Variants in PARP1 observed in about 807,000 individuals in gnomAD.
PARP1 encodes poly(ADP-ribose) polymerase 1, also known as poly [ADP-ribose] polymerase 1.
In PARP1, 44 loss-of-function variants were observed where a neutral mutation model predicts 118.7. That is an observed-to-expected ratio of 0.37 (90% CI 0.29 to 0.48). The LOEUF is 0.48. Among genes scored for constraint, PARP1 ranks in the 20% least tolerant of loss-of-function variants. The pLI is 0.99. For missense variants in PARP1, 1,100 were observed against 1,272.4 expected (o/e 0.86, Z 2.06); for synonymous variants, 492 against 483.2 (o/e 1.02, Z -0.24).
chr1:226,390,695 G>A, intron 3 of PARP1, 71 bp from the exon 4 acceptor site: 1 of 1,418,552 alleles, frequency 7.0e-7, no homozygotes, highest in East Asian at 2.4e-5. Flanking sequence ...CGGGCAGCCT[G>A]TGCTCCAGCC....
At position 226,363,171 on chromosome 1, in the gene PARP1, G is replaced by A. The variant is rs751263702; in HGVS notation, c.2787-11C>T. On this transcript the variant is annotated splice_polypyrimidine_tract_variant and intron_variant, in intron 20 of 22. Transcript: ENST00000366794. ...TGCTTCAGTTCATACCTATTCAAAA[G>A]AGGACAGTCTCAGAAGAGGCCTTCA... The A allele has an allele frequency of 1.9e-6, 3 of 1,608,244 alleles. No homozygotes were observed. In the East Asian group the frequency reaches 6.7e-5, roughly 36 times the overall value.
At chr1:226,401,880 CAAGG>C in intron 2 of PARP1, 9 of 984,652 alleles carry the variant, frequency 9.1e-6, no homozygotes, top group Non-Finnish European at 1.3e-5. Context: ...GAGGTGTTGA[CAAGG>C]AAGAGCCTGT....
At chr1:226,368,825 C>T (rs540178421) in intron 15 of PARP1, among the ~76,000 whole-genome samples, 8 of 152,322 alleles carry the variant, frequency 5.3e-5, no homozygotes, top group Non-Finnish European at 1.2e-4. Context: ...CACAGAAAGG[C>T]TAAGCAATCC....
intron 21 of PARP1, 58 bp downstream of exon 21, chr1:226,363,041 G>T: frequency 1.6e-6 from 2 of 1,224,796 alleles, no homozygotes; most frequent in Non-Finnish European, 2.4e-6. Context: ...GCAAGCCCCC[G>T]GCTTCTGTGC....
intron 22 of PARP1, 83 bp from the exon 23 acceptor site, chr1:226,361,624 C>T (rs529389173): frequency 3.0e-5 from 30 of 990,266 alleles, no homozygotes; most frequent in Admixed American, 1.7e-4. Flanking sequence ...GCTGGCAGGA[C>T]GCTCAGTGCC....
In PARP1 at chr1:226,370,464, G is replaced by A. The variant is rs372662420; in HGVS notation, c.2124C>T (p.Ala708=). 1.5e-5 allele frequency: 24 copies of A among 1,613,974 alleles called. No individual in the cohort carries two copies. The highest frequency in any genetic ancestry group is 1.6e-5 in the Non-Finnish European group (19 of 1,179,930). ...GGACCTCACTGAGGATGGAGTATGC[G>A]GCCTGGATCTGCCTTTTGCTCAGCT... ...LGKLSKRQIQ[A]AYSILSEVQQ... The change falls in exon 15 of 23, where the codon GCC becomes GCT. Residue 708 remains alanine (A), a synonymous_variant. Transcript: ENST00000366794.
chr1:226,392,224 T>C lies in PARP1; in HGVS notation c.377A>G (p.Lys126Arg). 6.2e-7 allele frequency: 1 copy of C among 1,613,222 alleles called. No individual in the cohort carries two copies. The highest frequency in any genetic ancestry group is 8.5e-7 in the Non-Finnish European group (1 of 1,179,164). ...EYAKSNRSTC[K>R]GCMEKIEKGQ... ...CTTTTCTATCTTCTCCATACACCCC[T>C]TGCACGTACTTCTGTTGGACTTGGC... The change falls in exon 3 of 23, where the codon AAG becomes AGG. Residue 126 changes from lysine (K) to arginine (R), a missense_variant. Physicochemically the swap from Lys to Arg is conservative, Grantham distance 26. Around this residue, in one of 2 missense-constraint regions of PARP1, gnomAD observed 948 missense variants for 1,031.8 expected, o/e 0.92. Coordinates refer to ENST00000366794, the MANE Select transcript of PARP1 (RefSeq NM_001618.4).
In PARP1 at chr1:226,367,425, C is replaced by T. The variant is rs1005754962; in HGVS notation, c.2406+55G>A. On this transcript the variant is annotated intron_variant, in intron 17 of 22. Coordinates refer to ENST00000366794, the MANE Select transcript of PARP1 (RefSeq NM_001618.4). ...TCCTAACACACATGGAAGTTTGGGACCGCTGCTCTCAGGATGAGAGGTTAA... is the reference window on the plus strand; with the variant it reads ...TCCTAACACACATGGAAGTTTGGGATCGCTGCTCTCAGGATGAGAGGTTAA... The T allele has an allele frequency of 4.0e-5, 64 of 1,604,032 alleles. No homozygotes were observed. In the African/African-American group the frequency reaches 6.7e-4, roughly 17 times the overall value.
In PARP1 at chr1:226,402,202, G is replaced by A. The variant is rs1464471147; in HGVS notation, c.286+12C>T. The A allele has an allele frequency of 1.2e-6, 2 of 1,614,210 alleles. No individual in the cohort carries two copies. Among genetic ancestry groups the A allele is most frequent in the South Asian group, 2.2e-5 (2 of 91,076 alleles). ...GGGGCTGAATGCCCATGCTGCCCCA[G>A]TATGTACACACCTGTCACTCCTCCA... On this transcript the variant is annotated intron_variant, in intron 2 of 22. Transcript: ENST00000366794.
intron 2 of PARP1, among the ~76,000 whole-genome samples, chr1:226,393,548 T>C (rs115776928): frequency 1.4e-4 from 22 of 152,244 alleles, no homozygotes; most frequent in African/African-American, 5.3e-4. Context: ...AAAGAACTAA[T>C]GACACACAAG....
rs773473074 is a variant in PARP1 at position 226,388,643 on chromosome 1, G to C, written c.717+13C>G. On this transcript the variant is annotated intron_variant, in intron 5 of 22. Coordinates refer to ENST00000366794, the MANE Select transcript of PARP1 (RefSeq NM_001618.4). ...GCAGAATGTCGAAAGGAGACACAGA[G>C]CTGAGAACTCACCTTTAGGGCTTTT... is the stretch of plus-strand genomic sequence containing the variant. 141 of 1,539,734 alleles carry C rather than the reference G, an allele frequency of 9.2e-5. No homozygotes were observed. Among genetic ancestry groups the C allele is most frequent in the Non-Finnish European group, 1.2e-4 (137 of 1,112,290 alleles).
At chr1:226,403,562 G>A (rs933779991) in intron 1 of PARP1, among the ~76,000 whole-genome samples, 2 of 152,222 alleles carry the variant, frequency 1.3e-5, no homozygotes, top group African/African-American at 2.4e-5. Flanking sequence ...CCTTTCATAA[G>A]CCATCCTGTG....
chr1:226,395,714 G>A (rs887635431), intron 2 of PARP1, among the ~76,000 whole-genome samples: 1 of 152,160 alleles, frequency 6.6e-6, no homozygotes, highest in African/African-American at 2.4e-5. Flanking sequence ...AATGAAATAT[G>A]GCATATTCGT....
chr1:226,388,730 C>T lies in PARP1; in HGVS notation c.643G>A (p.Gly215Arg). ...TTCTTCTTCGCCACTTCATCCACTC[C>T]ATCCACCTCATCGCCTTTTCTCTTT... is the stretch of plus-strand genomic sequence containing the variant. Reference protein sequence around the residue: ...EGKRKGDEVDGVDEVAKKKSK... With the variant: ...EGKRKGDEVDRVDEVAKKKSK... The change falls in exon 5 of 23, where the codon GGA (glycine) becomes AGA (arginine). Residue 215 changes from glycine (G) to arginine (R), a missense_variant. Gly to Arg is a moderately radical substitution (Grantham distance 125). This residue lies in a region of PARP1 where 948 missense variants were observed against 1,031.8 expected (regional missense o/e 0.92). Transcript: ENST00000366794. 2 of 1,613,946 alleles carry T rather than the reference C, an allele frequency of 1.2e-6. 1 individual carries two copies. The highest frequency in any genetic ancestry group is 2.2e-5 in the South Asian group (2 of 91,074).
At chr1:226,388,426 T>C (rs3219049) in intron 5 of PARP1, among the ~76,000 whole-genome samples, 20,114 of 152,274 alleles carry the variant, frequency 0.13, 1,463 homozygotes, top group Middle Eastern at 0.23. Context: ...TGCTCAAGCC[T>C]GGCTGCAGGT....
chr1:226,387,894 T>C (rs1202997905), intron 5 of PARP1, among the ~76,000 whole-genome samples: 1 of 152,184 alleles, frequency 6.6e-6, no homozygotes, highest in Non-Finnish European at 1.5e-5. Flanking sequence ...ATAAGACAAT[T>C]GAACAAAATG....
At position 226,365,162 on chromosome 1, in the gene PARP1, G is replaced by C; in HGVS notation, c.2506-8C>G. On this transcript the variant is annotated splice_polypyrimidine_tract_variant and splice_region_variant and intron_variant, in intron 18 of 22. Coordinates refer to ENST00000366794, the MANE Select transcript of PARP1 (RefSeq NM_001618.4). Reference sequence around the variant, plus strand: ...ACGCTCTATCTTAAAGATCTGGTTGGAGTAGTAAACAAAGGGAAGGACAAA... The same window carrying C: ...ACGCTCTATCTTAAAGATCTGGTTGCAGTAGTAAACAAAGGGAAGGACAAA... 1 of 1,614,116 alleles carries C rather than the reference G, an allele frequency of 6.2e-7. No homozygotes were observed. Among genetic ancestry groups the C allele is most frequent in the Non-Finnish European group, 8.5e-7 (1 of 1,180,022 alleles).
Position 226,386,393 on chromosome 1 carries a change from C to T in PARP1, c.767G>A (p.Cys256Tyr), listed in dbSNP as rs771568163. 6.2e-7 allele frequency: 1 copy of T among 1,613,988 alleles called. No homozygotes were observed. The highest frequency in any genetic ancestry group is 1.3e-5 in the African/African-American group (1 of 74,918). Residue 256 changes from cysteine (C) to tyrosine (Y), a missense_variant, in exon 6 of 23, where the codon TGT becomes TAT. Around this residue, in one of 2 missense-constraint regions of PARP1, gnomAD observed 948 missense variants for 1,031.8 expected, o/e 0.92. Transcript: ENST00000366794. ...TAGCTCCTTCAGGTCATTAGTTGAA[C>T]ACACTTTCTTTAGCTCGTCCTTGAT... The part of the protein sequence containing the change: ...WNIKDELKKV[C>Y]STNDLKELLI...
chr1:226,381,763 G>C (rs1265488847), intron 8 of PARP1, among the ~76,000 whole-genome samples: 5 of 152,234 alleles, frequency 3.3e-5, no homozygotes. Flanking sequence ...AGAAAGGCCT[G>C]GACAGGGGTG....
Sources: gnomAD v4.1 joint callset for allele counts (sites outside exome capture counted in the v4.1 genomes callset) on GRCh38, gnomAD v4.1.1 for gene constraint, gnomAD v4.1.1 regional missense constraint, MANE v1.5 for transcripts, NCBI Gene and HGNC (gene_info 2026-07-23, HGNC 2026-07-21) for gene names.